WWOX: variants seen among roughly 807,000 people sequenced by gnomAD.
The protein encoded by WWOX is WW domain containing oxidoreductase, also known as WW domain-containing oxidoreductase.
WWOX carries 69 observed loss-of-function variants against 46.2 expected under a neutral mutation model. That is an observed-to-expected ratio of 1.49 (90% CI 1.23 to 1.82). The LOEUF (loss-of-function observed/expected upper bound fraction) is 1.82, where lower values mean the gene tolerates loss of function less well. WWOX is among the 40% of genes most tolerant of loss of function. WWOX has a pLI of 0.00. For synonymous variants in WWOX, 359 were observed against 202.6 expected (o/e 1.77, Z -6.56); for missense variants, 919 against 542.6 (o/e 1.69, Z -6.89).
intron 8 of WWOX, among the ~76,000 whole-genome samples, chr16:78,637,111 G>T (rs1417880393): frequency 1.3e-5 from 2 of 152,142 alleles, no homozygotes; most frequent in Non-Finnish European, 2.9e-5. Context: ...CCATCACACT[G>T]CCTGCATTTT....
chr16:78,302,882 T>A (rs1310819176), intron 5 of WWOX, among the ~76,000 whole-genome samples: 1 of 152,224 alleles, frequency 6.6e-6, no homozygotes, highest in Non-Finnish European at 1.5e-5. Flanking sequence ...TTGATGTTAC[T>A]GGGTTGCTGC....
At chr16:78,432,896 A>C in intron 8 of WWOX, 144 bp downstream of exon 8, 1 of 1,302,192 alleles carries the variant, frequency 7.7e-7, no homozygotes, top group Non-Finnish European at 1.1e-6. Flanking sequence ...GCTCTTGAAC[A>C]CATTTTCATC....
chr16:78,842,554 G>T (rs1339157259), intron 8 of WWOX, among the ~76,000 whole-genome samples: 1 of 152,070 alleles, frequency 6.6e-6, no homozygotes, highest in Non-Finnish European at 1.5e-5. Context: ...TAAGATGATT[G>T]GAAACAGTGT....
At chr16:79,167,549 A>G (rs1050305944) in intron 8 of WWOX, among the ~76,000 whole-genome samples, 8 of 152,114 alleles carry the variant, frequency 5.3e-5, no homozygotes, top group Admixed American at 4.6e-4. Context: ...GTCTCCTGGA[A>G]TGCTCCATGG....
intron 5 of WWOX, among the ~76,000 whole-genome samples, chr16:78,347,385 A>G (rs2081112102): frequency 8.5e-6 from 1 of 118,010 alleles, no homozygotes. Context: ...GTATCTGTCC[A>G]TGGTGTTGGT....
intron 5 of WWOX, among the ~76,000 whole-genome samples, chr16:78,327,904 T>C (rs1808806578): frequency 7.0e-6 from 1 of 143,574 alleles, no homozygotes; most frequent in African/African-American, 2.6e-5. Context: ...TTTGAGATGA[T>C]CTTCTTCTGT....
intron 8 of WWOX, among the ~76,000 whole-genome samples, chr16:78,642,890 T>C (rs1379971376): frequency 3.3e-5 from 5 of 152,226 alleles, no homozygotes; most frequent in African/African-American, 1.2e-4. Context: ...TGCCAAATTA[T>C]GGCACTCATC....
intron 8 of WWOX, among the ~76,000 whole-genome samples, chr16:78,812,141 C>G (rs1439660851): frequency 6.6e-6 from 1 of 151,970 alleles, no homozygotes; most frequent in East Asian, 1.9e-4. Flanking sequence ...ACAGTAGGTA[C>G]CAATGCATGG....
chr16:79,107,234 C>T (rs946243854), intron 8 of WWOX, among the ~76,000 whole-genome samples: 4 of 151,798 alleles, frequency 2.6e-5, no homozygotes, highest in African/African-American at 7.3e-5. Flanking sequence ...AATCACCGCG[C>T]CCAGCCCAAA....
intron 5 of WWOX, among the ~76,000 whole-genome samples, chr16:78,366,531 C>G (rs557929391): frequency 6.6e-6 from 1 of 152,310 alleles, no homozygotes; most frequent in Non-Finnish European, 1.5e-5. Flanking sequence ...GGACTACACT[C>G]TTATTCTAAA....
chr16:78,459,692 T>G (rs1034588669), intron 8 of WWOX, among the ~76,000 whole-genome samples: 18 of 152,232 alleles, frequency 1.2e-4, no homozygotes, highest in African/African-American at 4.3e-4. Flanking sequence ...GTCTTCTGGT[T>G]TAAATGCAGT....
rs149872908 is a variant in WWOX, at chr16:78,917,891, C to G, written c.1057-293717C>G. On this transcript the variant is annotated intron_variant, in intron 8 of 8. Transcript: ENST00000566780. ...CTAAGTGAGATCTTGTTTTTTAAAA[C>G]AAAAAAAAGTTTAAGAAATTGTCAT... 9.8e-4 allele frequency among the ~76,000 whole-genome samples: 149 copies of G among 151,838 alleles called. 1 individual carries two copies. Among genetic ancestry groups the G allele is most frequent in the African/African-American group, 3.5e-3 (143 of 41,418 alleles).
At chr16:78,463,495 C>G (rs1338888385) in intron 8 of WWOX, among the ~76,000 whole-genome samples, 1 of 152,116 alleles carries the variant, frequency 6.6e-6, no homozygotes, top group East Asian at 1.9e-4. Context: ...TGCTGAGTAG[C>G]TGTCATTATT....
At chr16:78,575,881 C>T (rs376942781) in intron 8 of WWOX, among the ~76,000 whole-genome samples, 32 of 151,600 alleles carry the variant, frequency 2.1e-4, no homozygotes, top group South Asian at 6.2e-4. Context: ...AATCAATTTT[C>T]GTAAGGTTAC....
chr16:78,337,770 C>G lies in WWOX; in HGVS notation c.517-49090C>G, dbSNP rs1358109902. The stretch of plus-strand genomic sequence containing the variant: ...AATATCCCTGTACTCCAAGATGCCT[C>G]CAGCAATTATAATTGAATCTTGAAG... On this transcript the variant is annotated intron_variant, in intron 5 of 8. Coordinates refer to ENST00000566780, the MANE Select transcript of WWOX (RefSeq NM_016373.4). Among the ~76,000 whole-genome samples, 5 of 56,070 alleles carry G rather than the reference C, an allele frequency of 8.9e-5. 2 individuals carry two copies. The allele number at this position is 56,070 out of a possible 152,430, so 36.8% of individuals were successfully genotyped here.
chr16:78,516,804 A>T (rs751567497), intron 8 of WWOX, among the ~76,000 whole-genome samples: 1 of 152,242 alleles, frequency 6.6e-6, no homozygotes, highest in Non-Finnish European at 1.5e-5. Flanking sequence ...CCTGAAAACT[A>T]CTAAGAGAAG....
chr16:78,530,025 T>C (rs909165198), intron 8 of WWOX, among the ~76,000 whole-genome samples: 2 of 152,080 alleles, frequency 1.3e-5, no homozygotes, highest in Admixed American at 6.5e-5. Flanking sequence ...TTGGTGCCAG[T>C]AGAGGTGAAC....
intron 8 of WWOX, among the ~76,000 whole-genome samples, chr16:78,909,580 C>T (rs2045056127): frequency 6.6e-6 from 1 of 152,180 alleles, no homozygotes; most frequent in East Asian, 1.9e-4. Context: ...TGAAACCCAT[C>T]ATTTGACACA....
intron 8 of WWOX, among the ~76,000 whole-genome samples, chr16:79,055,521 T>G (rs978894575): frequency 1.3e-5 from 2 of 152,164 alleles, no homozygotes; most frequent in Non-Finnish European, 2.9e-5. Flanking sequence ...CCATTGGAAG[T>G]CATCCCATTT....
Sources: gnomAD v4.1 joint callset for allele counts (sites outside exome capture counted in the v4.1 genomes callset) on GRCh38, gnomAD v4.1.1 for gene constraint, MANE v1.5 for transcripts, NCBI Gene and HGNC (gene_info 2026-07-23, HGNC 2026-07-21) for gene names.